Variants in ASMTL observed in about 807,000 individuals in gnomAD.
ASMTL encodes acetylserotonin O-methyltransferase like.
ASMTL carries 57 observed loss-of-function variants against 60.3 expected under a neutral mutation model. The ratio of observed to expected loss-of-function variants is 0.95; its 90% CI spans 0.76 to 1.18. The LOEUF is 1.18. Ranked by LOEUF, ASMTL falls within the 50% of genes most tolerant of loss-of-function variation. The pLI is 0.00. For missense variants in ASMTL, 981 were observed against 852.6 expected (o/e 1.15, Z -1.88); for synonymous variants, 419 against 373.0 (o/e 1.12, Z -1.42).
In ASMTL at chrX:1,419,019, G is replaced by A. The variant is rs755985124; in HGVS notation, c.1341C>T (p.Phe447=). The part of the protein sequence containing the change: ...KLTACQVATA[F]NLSRFSSACD... Reference sequence around the variant, plus strand: ...AGGCGGAGGAGAAGCGGGACAGATTGAAGGCCGTGGCCACCTGGCACGCAG... The same window carrying A: ...AGGCGGAGGAGAAGCGGGACAGATTAAAGGCCGTGGCCACCTGGCACGCAG... The change falls in exon 10 of 13, where the codon TTC becomes TTT. Residue 447 remains phenylalanine (F), a synonymous_variant. Coordinates refer to ENST00000381317, the MANE Select transcript of ASMTL (RefSeq NM_004192.4). The A allele has an allele frequency of 3.1e-6, 5 of 1,611,712 alleles. No homozygotes were observed. In the East Asian group the frequency reaches 1.1e-4, roughly 36 times the overall value.
At chrX:1,405,211 TGAATG>T (rs1446092719) in intron 12 of ASMTL, among the ~76,000 whole-genome samples, 1 of 121,110 alleles carries the variant, frequency 8.3e-6, no homozygotes, top group Non-Finnish European at 1.9e-5. Flanking sequence ...CGTAGATAGA[TGAATG>T]GATGGATAGA....
upstream of ASMTL, chrX:1,452,929 G>A (rs188854501): frequency 7.1e-3 from 7,655 of 1,077,488 alleles, 44 homozygotes; most frequent in Non-Finnish European, 8.2e-3. Flanking sequence ...CAGGCGGCCA[G>A]AGTCCCGCCT....
chrX:1,438,037 C>T (rs1173661693), intron 3 of ASMTL, among the ~76,000 whole-genome samples: 2 of 151,960 alleles, frequency 1.3e-5, no homozygotes, highest in African/African-American at 2.4e-5. Flanking sequence ...GCCTGTCATC[C>T]CAGCACTGTG....
At chrX:1,412,204 T>G (rs2090055375) in intron 12 of ASMTL, among the ~76,000 whole-genome samples, 1 of 151,880 alleles carries the variant, frequency 6.6e-6, no homozygotes, top group Non-Finnish European at 1.5e-5. Context: ...ACCTCCAAAG[T>G]CACATAAGCC....
chrX:1,424,438 G>A (rs56208170), intron 8 of ASMTL, among the ~76,000 whole-genome samples: 94,467 of 140,994 alleles, frequency 0.67, 32,169 homozygotes, highest in South Asian at 0.86. Context: ...CCACCCAGCC[G>A]TGCACCCATC....
chrX:1,407,194 TGA>T (rs1303892364), intron 12 of ASMTL, among the ~76,000 whole-genome samples: 1 of 150,158 alleles, frequency 6.7e-6, no homozygotes, highest in Non-Finnish European at 1.5e-5. Flanking sequence ...GATGCATGGA[TGA>T]GATGGATGGC....
intron 11 of ASMTL, among the ~76,000 whole-genome samples, chrX:1,417,686 C>T (rs2090342685): frequency 6.6e-6 from 1 of 151,690 alleles, no homozygotes; most frequent in Non-Finnish European, 1.5e-5. Context: ...CATATGCAAC[C>T]ACACACCAGA....
chrX:1,417,061 TC>T (rs2090309851), intron 11 of ASMTL, among the ~76,000 whole-genome samples: 2 of 144,146 alleles, frequency 1.4e-5, no homozygotes, highest in Admixed American at 1.4e-4. Flanking sequence ...TGCTCACATA[TC>T]CACACAGACA....
chrX:1,412,759 T>C lies in ASMTL; in HGVS notation c.1618A>G (p.Ser540Gly). 3.1e-6 allele frequency: 5 copies of C among 1,613,986 alleles called. No individual in the cohort carries two copies. Among genetic ancestry groups the C allele is most frequent in the South Asian group, 2.2e-5 (2 of 91,076 alleles). Residue 540 changes from serine to glycine, a missense_variant, in exon 12 of 13, where the codon AGC becomes GGC. Physicochemically the swap from Ser to Gly is moderately conservative, Grantham distance 56 (BLOSUM62 0). Transcript: ENST00000381317. ...GGCTTGCAGCTCTCGGCGACCCTGC[T>C]GAGTAACTTGTGGACTTTGTCGTCT... ...WPDDKVHKLL[S>G]RVAESCKPGA...
At chrX:1,451,111 G>GAT (rs1257238114) in intron 1 of ASMTL, among the ~76,000 whole-genome samples, 45 of 112,712 alleles carry the variant, frequency 4.0e-4, no homozygotes, top group African/African-American at 1.9e-3. Context: ...TCCCTAGGCG[G>GAT]TCCTGGATCA....
At chrX:1,413,719 G>C (rs1242985698) in intron 11 of ASMTL, 7 of 152,362 alleles carry the variant, frequency 4.6e-5, no homozygotes, top group Admixed American at 1.3e-4. Context: ...GATCATCCTG[G>C]AGTAGGGTGT....
chrX:1,406,086 G>C (rs1188863104), intron 12 of ASMTL, among the ~76,000 whole-genome samples: 1 of 149,324 alleles, frequency 6.7e-6, no homozygotes, highest in Non-Finnish European at 1.5e-5. Context: ...TGAGATGGAT[G>C]GATGGGTGAA....
chrX:1,448,560 G>A (rs1446267944), intron 1 of ASMTL, among the ~76,000 whole-genome samples: 3 of 146,602 alleles, frequency 2.0e-5, no homozygotes, highest in Non-Finnish European at 4.5e-5. Flanking sequence ...TCTTGGATAA[G>A]CACCACCATC....
Position 1,421,759 on chromosome X carries a change from C to T in ASMTL, c.1144G>A (p.Asp382Asn). The T allele has an allele frequency of 6.2e-7, 1 of 1,613,864 alleles. No homozygotes were observed. The highest frequency in any genetic ancestry group is 1.1e-5 in the South Asian group (1 of 91,064). Reference sequence around the variant, plus strand: ...TATGTAAAGAGGTTCCATGTGAGGTCATTATTGTGCATGATGAAGCCGTGC... The same window carrying T: ...TATGTAAAGAGGTTCCATGTGAGGTTATTATTGTGCATGATGAAGCCGTGC... ...SLHGFIMHNNDLTWNLFTYLE... is the reference protein window; with the variant it reads ...SLHGFIMHNNNLTWNLFTYLE... The change falls in exon 9 of 13, where the codon GAC (aspartate) becomes AAC (asparagine). Residue 382 changes from aspartate to asparagine, a missense_variant. Transcript: ENST00000381317.
rs773123553 is a variant in ASMTL, at chrX:1,421,771, T to A, written c.1132A>T (p.Met378Leu). The A allele has an allele frequency of 3.1e-6, 5 of 1,613,890 alleles. No homozygotes were observed. The South Asian group carries it at 5.5e-5, about 18-fold the overall frequency. The change falls in exon 9 of 13, where the codon ATG (methionine) becomes TTG (leucine). Residue 378 changes from methionine to leucine, a missense_variant. Transcript: ENST00000381317. Reference protein sequence around the residue: ...DGEYSLHGFIMHNNDLTWNLF... With the variant: ...DGEYSLHGFILHNNDLTWNLF... ...TTCCATGTGAGGTCATTATTGTGCA[T>A]GATGAAGCCGTGCAGAGAGTATTCG...
chrX:1,434,782 G>A (rs183497057), intron 5 of ASMTL, among the ~76,000 whole-genome samples: 559 of 140,942 alleles, frequency 4.0e-3, no homozygotes, highest in Non-Finnish European at 6.8e-3. Flanking sequence ...GTAAGAGAGC[G>A]AGACTCCATC....
chrX:1,416,604 C>T lies in ASMTL; in HGVS notation c.1522+1369G>A, dbSNP rs746159007. On this transcript the variant is annotated intron_variant, in intron 11 of 12. Transcript: ENST00000381317. Reference sequence around the variant, plus strand: ...ACACACAGACATACACACATATACCCACACAGACGCACAGAAACACACATA... The same window carrying T: ...ACACACAGACATACACACATATACCTACACAGACGCACAGAAACACACATA... Among the ~76,000 whole-genome samples the T allele has an allele frequency of 2.6e-5, 4 of 152,070 alleles. No homozygotes were observed. In the South Asian group the frequency reaches 8.3e-4, roughly 32 times the overall value.
chrX:1,453,639 G>T (rs187602913), upstream of ASMTL: 10,797 of 149,718 alleles, frequency 0.072, 485 homozygotes, highest in Middle Eastern at 0.14. Context: ...GGGGCCCGGC[G>T]CAGAGATGGG....
chrX:1,420,358 T>C (rs2090449491), intron 9 of ASMTL, among the ~76,000 whole-genome samples: 1 of 151,562 alleles, frequency 6.6e-6, no homozygotes, highest in African/African-American at 2.4e-5. Flanking sequence ...TGTCTCCCTC[T>C]ATCTTTCTGT....
Sources: gnomAD v4.1 joint callset for allele counts (sites outside exome capture counted in the v4.1 genomes callset) on GRCh38, gnomAD v4.1.1 for gene constraint, MANE v1.5 for transcripts, NCBI Gene and HGNC (gene_info 2026-07-23, HGNC 2026-07-21) for gene names.